Variants in ZNF469 observed in about 807,000 individuals in gnomAD.
The protein encoded by ZNF469 is zinc finger protein 469.
A neutral mutation model predicts 1.0 loss-of-function variants in ZNF469; 1 was observed. The ratio of observed to expected loss-of-function variants is 1.00; its 90% confidence interval spans 0.35 to 4.73. The LOEUF is 4.73. Among genes scored for constraint, ZNF469 ranks in the 30% most tolerant of loss-of-function variants. ZNF469 has a pLI of 0.16. For synonymous variants in ZNF469, 2,703 were observed against 2,363.4 expected (o/e 1.14, Z -4.17); for missense variants, 6,100 against 5,356.3 (o/e 1.14, Z -4.33).
chr16:88,155,491 G>C, the ZNF469 span, among the ~76,000 whole-genome samples: 1 of 152,124 alleles, frequency 6.6e-6, no homozygotes. Context: ...CCAGCCTCTG[G>C]CAACCAGTCC....
chr16:88,185,907 GACAC>G, the ZNF469 span, among the ~76,000 whole-genome samples: 48 of 146,154 alleles, frequency 3.3e-4, no homozygotes, highest in Non-Finnish European at 5.0e-4. Context: ...CAGACCCACA[GACAC>G]ACACATTCAC....
intron 1 of ZNF469, among the ~76,000 whole-genome samples, chr16:88,396,932 C>CATGAAGGGAGGCCGGGAGGAGACCCTCA (rs1567500214): frequency 1.4e-3 from 75 of 53,062 alleles, no homozygotes; most frequent in African/African-American, 2.2e-3. Context: ...GGAGACCCGT[C>CATGAAGGGAGGCCGGGAGGAGACCCTCA]TGAAGGGAGG....
the ZNF469 span, among the ~76,000 whole-genome samples, chr16:88,211,036 A>G: frequency 2.6e-5 from 4 of 152,286 alleles, no homozygotes; most frequent in African/African-American, 9.6e-5. Flanking sequence ...GGCCAGGAAC[A>G]GGAGATGCCT....
At position 88,400,370 on chromosome 16, in the gene ZNF469, G is replaced by A. The variant is rs541496228; in HGVS notation, c.-192+17116G>A. On this transcript the variant is annotated intron_variant, in intron 1 of 2. Transcript: ENST00000565624. ...TGCAAAATTGGCCTACCAGGACAAC[G>A]GCTCCATTTTCCAGATGGGGAGACT... 6.6e-5 allele frequency among the ~76,000 whole-genome samples: 10 copies of A among 152,322 alleles called. No individual in the cohort carries two copies. The East Asian group carries it at 1.2e-3, about 18-fold the overall frequency.
chr16:88,425,000 C>T lies in ZNF469; in HGVS notation c.-127+129C>T, dbSNP rs558361061. ...TCAGGACAGTAACCGGGCCTGCCTA[C>T]TGCCTCCCGAGAGCCGACTCCTGGG... On this transcript the variant is annotated intron_variant, in intron 2 of 2. Coordinates refer to ENST00000565624, the MANE Select transcript of ZNF469 (RefSeq NM_001367624.2). This position sits in a 1 kb window ranked among gnomAD's most constrained non-coding sequence, Gnocchi z 4.3. Among the ~76,000 whole-genome samples, 4 of 152,202 alleles carry T rather than the reference C, an allele frequency of 2.6e-5. No homozygotes were observed. The South Asian group carries it at 6.2e-4, about 24-fold the overall frequency.
intron 1 of ZNF469, among the ~76,000 whole-genome samples, chr16:88,409,010 A>G (rs1038731911): frequency 5.3e-5 from 8 of 152,230 alleles, no homozygotes; most frequent in African/African-American, 1.7e-4. Context: ...AGGTCAGCCC[A>G]GCAGGGGGGC....
chr16:88,353,936 C>G, the ZNF469 span, among the ~76,000 whole-genome samples: 2 of 152,288 alleles, frequency 1.3e-5, no homozygotes, highest in Admixed American at 6.5e-5. Flanking sequence ...TAAAGCCTGT[C>G]GTCTCAGCCC....
At chr16:88,395,567 G>A (rs966657647) in intron 1 of ZNF469, among the ~76,000 whole-genome samples, 3 of 152,072 alleles carry the variant, frequency 2.0e-5, no homozygotes, top group Non-Finnish European at 4.4e-5. Context: ...GACATACTAG[G>A]CACCATGCTG....
At chr16:88,348,934 G>A in the ZNF469 span, among the ~76,000 whole-genome samples, 1 of 152,162 alleles carries the variant, frequency 6.6e-6, no homozygotes, top group Non-Finnish European at 1.5e-5. Context: ...TCCCGGGACA[G>A]GGTAGGGCTC....
the ZNF469 span, among the ~76,000 whole-genome samples, chr16:88,142,453 G>C: frequency 6.6e-6 from 1 of 152,226 alleles, no homozygotes; most frequent in Non-Finnish European, 1.5e-5. Context: ...ACCTTGAAAA[G>C]CTCAGAGTGA....
the ZNF469 span, among the ~76,000 whole-genome samples, chr16:88,361,134 G>C: frequency 9.2e-5 from 14 of 152,116 alleles, no homozygotes; most frequent in Admixed American, 5.9e-4. Flanking sequence ...TTCTCATAAG[G>C]AGCACACAAC....
intron 1 of ZNF469, among the ~76,000 whole-genome samples, chr16:88,413,913 A>G (rs4372677): frequency 0.92 from 140,733 of 152,256 alleles, 65,395 homozygotes; most frequent in East Asian, 1. Context: ...AGCAGGCGCT[A>G]TGGTGGCACT....
the ZNF469 span, among the ~76,000 whole-genome samples, chr16:88,122,211 G>A: frequency 5.4e-5 from 8 of 147,106 alleles, 1 homozygote; most frequent in South Asian, 1.5e-3. Context: ...ATAGGGCCAC[G>A]GCAGCCACTG....
the ZNF469 span, among the ~76,000 whole-genome samples, chr16:88,258,644 C>T: frequency 5.4e-5 from 8 of 149,526 alleles, no homozygotes; most frequent in African/African-American, 1.7e-4. Context: ...TGAGTTTAGA[C>T]ACTTGGAGAT....
rs753228322 is a variant in ZNF469, at chr16:88,438,172, G to C, written c.10702G>C (p.Asp3568His). 1 of 1,549,880 alleles carries C rather than the reference G, an allele frequency of 6.5e-7. No homozygotes were observed. Among genetic ancestry groups the C allele is most frequent in the Non-Finnish European group, 8.7e-7 (1 of 1,146,714 alleles). The part of the protein sequence containing the change: ...FPAALADGRG[D>H]CALDGALERP... ...AGCTGCCTTGGCTGATGGCAGAGGAGACTGCGCGCTGGACGGAGCCCTGGA... is the reference window on the plus strand; with the variant it reads ...AGCTGCCTTGGCTGATGGCAGAGGACACTGCGCGCTGGACGGAGCCCTGGA... The change falls in exon 3 of 3, where the codon GAC (aspartate) becomes CAC (histidine). Residue 3568 changes from aspartate (D) to histidine (H), a missense_variant. Asp to His is a moderately conservative substitution (Grantham distance 81). Transcript: ENST00000565624.
At chr16:88,214,677 C>T in the ZNF469 span, among the ~76,000 whole-genome samples, 5 of 152,096 alleles carry the variant, frequency 3.3e-5, no homozygotes, top group East Asian at 1.9e-4. Flanking sequence ...CGACAGGCCC[C>T]GGTGTGTGAT....
the ZNF469 span, among the ~76,000 whole-genome samples, chr16:88,264,312 A>C: frequency 1.3e-5 from 2 of 151,488 alleles, no homozygotes; most frequent in African/African-American, 4.9e-5. Flanking sequence ...CATGCAGCTC[A>C]ACTCCCACGT....
chr16:88,180,730 T>G, the ZNF469 span, among the ~76,000 whole-genome samples: 5 of 150,120 alleles, frequency 3.3e-5, no homozygotes, highest in African/African-American at 9.9e-5. Flanking sequence ...GCCAACGTGG[T>G]CCCACTGCAC....
chr16:88,248,878 G>A, the ZNF469 span, among the ~76,000 whole-genome samples: 1 of 152,074 alleles, frequency 6.6e-6, no homozygotes, highest in South Asian at 2.1e-4. Context: ...CCTTTGTCTG[G>A]CAGGGATGAT....
Sources: gnomAD v4.1 joint callset for allele counts (sites outside exome capture counted in the v4.1 genomes callset) on GRCh38, gnomAD v4.1.1 for gene constraint, Gnocchi (gnomAD v3.1) non-coding constraint, MANE v1.5 for transcripts, NCBI Gene and HGNC (gene_info 2026-07-23, HGNC 2026-07-21) for gene names.